DAB1: variants seen among roughly 807,000 people sequenced by gnomAD.
DAB1 encodes the protein DAB adaptor protein 1.
In DAB1, 15 loss-of-function variants were observed where a neutral mutation model predicts 64.6. That is an observed-to-expected ratio of 0.23 (90% confidence interval 0.16 to 0.36). The LOEUF is 0.36. DAB1 is among the 10% of genes least tolerant of loss of function. DAB1 has a pLI of 1.00. For missense variants in DAB1, 596 were observed against 706.7 expected (o/e 0.84, Z 1.78); for synonymous variants, 235 against 251.9 (o/e 0.93, Z 0.64).
At chr1:57,347,686 C>T (rs1293208884) in intron 1 of DAB1, among the ~76,000 whole-genome samples, 1 of 152,046 alleles carries the variant, frequency 6.6e-6, no homozygotes, top group Non-Finnish European at 1.5e-5. Context: ...ATTTAAATGC[C>T]CATCCTAAAT....
chr1:58,090,055 C>G (rs1211610955), intron 5 of DAB1, among the ~76,000 whole-genome samples: 2 of 152,178 alleles, frequency 1.3e-5, no homozygotes, highest in African/African-American at 4.8e-5. Flanking sequence ...AGGCAGCCAG[C>G]CTTGTTTCTT....
At chr1:57,628,968 C>G (rs947927521) in intron 7 of DAB1, among the ~76,000 whole-genome samples, 15 of 152,202 alleles carry the variant, frequency 9.9e-5, no homozygotes, top group Non-Finnish European at 2.1e-4. Flanking sequence ...ATTGAATGCA[C>G]ATTAACTTAA....
intron 4 of DAB1, among the ~76,000 whole-genome samples, chr1:58,236,183 G>A (rs937366009): frequency 1.3e-5 from 2 of 149,564 alleles, no homozygotes; most frequent in African/African-American, 4.9e-5. Flanking sequence ...GGCCAAGGAG[G>A]GAGGGAACAA....
At chr1:58,525,549 C>G (rs1646335896) in intron 2 of DAB1, among the ~76,000 whole-genome samples, 1 of 151,834 alleles carries the variant, frequency 6.6e-6, no homozygotes, top group Non-Finnish European at 1.5e-5. Context: ...AATTTCAAAA[C>G]ATCGAGAAAA....
intron 5 of DAB1, among the ~76,000 whole-genome samples, chr1:58,005,302 C>T: frequency 6.6e-6 from 1 of 152,072 alleles, no homozygotes; most frequent in Non-Finnish European, 1.5e-5. Context: ...GCACTCCACA[C>T]AGGACAGAAA....
intron 5 of DAB1, among the ~76,000 whole-genome samples, chr1:58,143,119 T>A (rs537336772): frequency 3.2e-4 from 49 of 152,128 alleles, no homozygotes; most frequent in Non-Finnish European, 6.0e-4. Context: ...ACACTGAAGT[T>A]TGAGGGCCAT....
intron 4 of DAB1, among the ~76,000 whole-genome samples, chr1:57,097,929 C>T (rs1007607078): frequency 7.9e-5 from 12 of 152,054 alleles, no homozygotes; most frequent in South Asian, 2.1e-4. Flanking sequence ...AGGTGTCCAC[C>T]GCCACGCTTG....
At chr1:57,283,505 T>C (rs989995826) in intron 2 of DAB1, among the ~76,000 whole-genome samples, 7 of 152,224 alleles carry the variant, frequency 4.6e-5, no homozygotes, top group Admixed American at 6.5e-5. Context: ...TTTTTATACT[T>C]GTGAACTCAT....
At chr1:57,507,542 G>A (rs1456245891) in intron 7 of DAB1, among the ~76,000 whole-genome samples, 1 of 152,172 alleles carries the variant, frequency 6.6e-6, no homozygotes, top group African/African-American at 2.4e-5. Context: ...GTCTTGACTT[G>A]AAAATGGAGT....
chr1:58,436,004 G>A (rs1298109525), intron 3 of DAB1, among the ~76,000 whole-genome samples: 1 of 152,160 alleles, frequency 6.6e-6, no homozygotes, highest in Non-Finnish European at 1.5e-5. Flanking sequence ...TGGCATAGAA[G>A]CCATCCCCAG....
intron 5 of DAB1, among the ~76,000 whole-genome samples, chr1:57,918,621 C>A (rs547940761): frequency 2.6e-5 from 4 of 152,026 alleles, no homozygotes; most frequent in East Asian, 1.9e-4. Flanking sequence ...TCAGGAGATA[C>A]AGACCATCCT....
chr1:57,961,701 G>T (rs1308126248), intron 5 of DAB1, among the ~76,000 whole-genome samples: 7 of 152,172 alleles, frequency 4.6e-5, no homozygotes, highest in African/African-American at 1.7e-4. Context: ...GGGTGTGGTG[G>T]CTCACGCCTG....
chr1:57,311,052 A>C (rs1038512377), intron 1 of DAB1, among the ~76,000 whole-genome samples: 3 of 152,102 alleles, frequency 2.0e-5, no homozygotes, highest in African/African-American at 2.4e-5. Flanking sequence ...ATTGACAGAC[A>C]AGCGGCAGAA....
chr1:57,142,863 G>A (rs992226049), intron 3 of DAB1, among the ~76,000 whole-genome samples: 1 of 152,066 alleles, frequency 6.6e-6, no homozygotes, highest in Non-Finnish European at 1.5e-5. Context: ...CAGATTTGTG[G>A]CTCTGGATGA....
chr1:58,070,871 A>G (rs1426965120), intron 5 of DAB1, among the ~76,000 whole-genome samples: 1 of 152,176 alleles, frequency 6.6e-6, no homozygotes, highest in Admixed American at 6.5e-5. Flanking sequence ...AGGCAGGCTC[A>G]AGGGCACAGA....
intron 6 of DAB1, among the ~76,000 whole-genome samples, chr1:57,672,387 C>T (rs1014933188): frequency 6.6e-6 from 1 of 152,124 alleles, no homozygotes; most frequent in Non-Finnish European, 1.5e-5. Flanking sequence ...TAATCTAGCT[C>T]CCTTGTTTTC....
intron 14 of DAB1, among the ~76,000 whole-genome samples, chr1:57,003,475 C>A (rs1457720661): frequency 6.6e-6 from 1 of 152,066 alleles, no homozygotes; most frequent in Non-Finnish European, 1.5e-5. Context: ...CAGCACACAG[C>A]AGAGCTGGGA....
At chr1:57,523,490 C>T (rs76554956) in intron 7 of DAB1, among the ~76,000 whole-genome samples, 1,882 of 152,212 alleles carry the variant, frequency 0.012, 51 homozygotes, top group African/African-American at 0.04. Flanking sequence ...GGAAGGTTTC[C>T]AGTAAGAAAT....
chr1:58,039,121 T>G (rs114501770), intron 5 of DAB1, among the ~76,000 whole-genome samples: 1 of 152,164 alleles, frequency 6.6e-6, no homozygotes, highest in African/African-American at 2.4e-5. Flanking sequence ...AGACTGCTAC[T>G]CCATTCCCAG....
Sources: allele counts gnomAD v4.1 joint callset (sites outside exome capture counted in the v4.1 genomes callset), GRCh38; gene constraint gnomAD v4.1.1; transcripts MANE v1.5; gene names NCBI Gene and HGNC (gene_info 2026-07-23, HGNC 2026-07-21).